The following ERN1 variants were observed in gnomAD, a reference collection of about 807,000 sequenced individuals.
ERN1 encodes serine/threonine-protein kinase/endoribonuclease IRE1.
Under a neutral mutation model 113.1 loss-of-function variants are expected in ERN1, and 39 were observed. The observed-to-expected ratio is 0.34, with a 90% CI of 0.27 to 0.45. The LOEUF (loss-of-function observed/expected upper bound fraction) is 0.45. ERN1 is among the 20% of genes least tolerant of loss of function. ERN1 has a pLI of 1.00. For missense variants in ERN1, 976 were observed against 1,274.8 expected, an observed-to-expected ratio of 0.77 and a Z score of 3.57; for synonymous variants, 507 against 515.9, an observed-to-expected ratio of 0.98 and a Z score of 0.23.
chr17:64,107,079 A>G (rs1476150649), intron 1 of ERN1, among the ~76,000 whole-genome samples: 1 of 152,156 alleles, frequency 6.6e-6, no homozygotes, highest in Non-Finnish European at 1.5e-5. Context: ...TTCATCACAT[A>G]GTAGGAGACT....
intron 1 of ERN1, among the ~76,000 whole-genome samples, chr17:64,125,102 C>G (rs1158040953): frequency 6.6e-6 from 1 of 152,206 alleles, no homozygotes; most frequent in African/African-American, 2.4e-5. Context: ...GAATTGTACA[C>G]TTTAAATGGG....
chr17:64,073,582 C>T (rs570405604), intron 5 of ERN1, among the ~76,000 whole-genome samples: 243 of 152,198 alleles, frequency 1.6e-3, no homozygotes, highest in Non-Finnish European at 2.8e-3. Flanking sequence ...ACCTCCGCCT[C>T]CAGGGTTCAA....
At chr17:64,081,771 G>T (rs1913776128) in intron 2 of ERN1, among the ~76,000 whole-genome samples, 1 of 152,168 alleles carries the variant, frequency 6.6e-6, no homozygotes. Flanking sequence ...TACATTTGCA[G>T]CAATTAATGG....
intron 2 of ERN1, among the ~76,000 whole-genome samples, chr17:64,083,961 C>T (rs753651906): frequency 1.6e-4 from 25 of 152,206 alleles, no homozygotes; most frequent in Non-Finnish European, 2.5e-4. Context: ...TTTGTCCCCA[C>T]TCCCTCCTCC....
chr17:64,075,180 T>C lies in ERN1; in HGVS notation c.350A>G (p.Tyr117Cys). 1 of 1,542,224 alleles carries C rather than the reference T, an allele frequency of 6.5e-7. No homozygotes were observed. Among genetic ancestry groups the C allele is most frequent in the Non-Finnish European group, 8.8e-7 (1 of 1,142,582 alleles). ...SPCRSSDGIL[Y>C]MGKKQDIWYV... ...CTGGAGACAGGAACTCTTACCCATG[T>C]AGAGGATTCCATCTGAACTTCGGCA... is the stretch of plus-strand genomic sequence containing the variant. Residue 117 changes from tyrosine (Y) to cysteine (C), a missense_variant, in exon 5 of 22, where the codon TAC (tyrosine) becomes TGC (cysteine). This residue lies in a region of ERN1 where 459 missense variants were observed against 581.2 expected (regional missense o/e 0.79). Coordinates refer to ENST00000433197, the MANE Select transcript of ERN1 (RefSeq NM_001433.5).
At chr17:64,120,721 A>T (rs1272810167) in intron 1 of ERN1, among the ~76,000 whole-genome samples, 1 of 152,182 alleles carries the variant, frequency 6.6e-6, no homozygotes, top group Non-Finnish European at 1.5e-5. Context: ...GCCCACCAAA[A>T]GAACACTACA....
At chr17:64,124,910 G>A (rs1405900767) in intron 1 of ERN1, among the ~76,000 whole-genome samples, 1 of 152,190 alleles carries the variant, frequency 6.6e-6, no homozygotes, top group African/African-American at 2.4e-5. Context: ...TTATATAAGA[G>A]GTCCAGAATA....
chr17:64,099,939 G>A (rs1361748752), intron 1 of ERN1, among the ~76,000 whole-genome samples: 1 of 152,118 alleles, frequency 6.6e-6, no homozygotes, highest in Non-Finnish European at 1.5e-5. Context: ...CACCTACCGA[G>A]TCTACTCTGT....
rs1912331871 is a variant in ERN1, at chr17:64,041,353, G to A, written c.*2635C>T. ...TCTAAAAAGCTCAACAGCCTTCCAG[G>A]ATTGGAGAAGTCCCATAACCTGAAC... On this transcript the variant is annotated 3_prime_UTR_variant, in exon 22 of 22. Coordinates refer to ENST00000433197, the MANE Select transcript of ERN1 (RefSeq NM_001433.5). 6.6e-6 allele frequency: 1 copy of A among 152,208 alleles called. No individual in the cohort carries two copies. The highest frequency in any genetic ancestry group is 1.5e-5 in the Non-Finnish European group (1 of 68,046). The allele number at this position is 152,208 out of a possible 1,614,324, so 9.4% of individuals were successfully genotyped here.
At position 64,049,390 on chromosome 17, in the gene ERN1, C is replaced by T. The variant is rs1912613118; in HGVS notation, c.2254-188G>A. On this transcript the variant is annotated intron_variant, in intron 17 of 21. Transcript: ENST00000433197. This position sits in a 1 kb window ranked among gnomAD's most constrained non-coding sequence, Gnocchi z 4.7. The stretch of plus-strand genomic sequence containing the variant: ...AGCACTGCATGGGTGTCAGAGGTCC[C>T]AGTGGAGAACCTGGGCTTGGAGCCA... 6.6e-6 allele frequency among the ~76,000 whole-genome samples: 1 copy of T among 152,218 alleles called. No homozygotes were observed.
intron 6 of ERN1, 106 bp from the exon 7 acceptor site, chr17:64,068,397 G>A: frequency 1.3e-6 from 1 of 789,130 alleles, no homozygotes; most frequent in East Asian, 2.7e-5. Context: ...TAAACTGTAG[G>A]CCAAAAAGTC....
intron 7 of ERN1, 78 bp downstream of exon 7, chr17:64,068,112 C>T: frequency 1.0e-6 from 1 of 986,020 alleles, no homozygotes; most frequent in Non-Finnish European, 1.5e-6. Flanking sequence ...AAAGAAAATC[C>T]TACTTTCTGG....
intron 1 of ERN1, among the ~76,000 whole-genome samples, chr17:64,119,384 T>TG (rs1914895491): frequency 1.6e-5 from 2 of 122,692 alleles, no homozygotes; most frequent in East Asian, 2.1e-4. Flanking sequence ...AGGTTTTTTT[T>TG]TTTTTTTTTT....
chr17:64,124,623 G>A (rs994178772), intron 1 of ERN1, among the ~76,000 whole-genome samples: 5 of 152,132 alleles, frequency 3.3e-5, no homozygotes, highest in Non-Finnish European at 7.3e-5. Context: ...CTTTTTTCAT[G>A]ATTGTGAGGC....
In ERN1 at chr17:64,054,629, T is replaced by G; in HGVS notation, c.1763+109A>C. 5 of 1,014,636 alleles carry G rather than the reference T, an allele frequency of 4.9e-6. No homozygotes were observed. The highest frequency in any genetic ancestry group is 7.3e-6 in the Non-Finnish European group (5 of 688,068). 62.9% of individuals were successfully genotyped at this position (1,014,636 alleles called of 1,614,324 possible). A position where few individuals can be genotyped will look rare whatever the true frequency, so the allele number is the denominator to read the frequency against. On this transcript the variant is annotated intron_variant, in intron 14 of 21. Transcript: ENST00000433197. The surrounding 1 kb of genome is among the most constrained non-coding windows in gnomAD (Gnocchi z 4.9). Reference sequence around the variant, plus strand: ...CCCTGGAGGCCGGACTCCATGCGTCTAGGTCACTGCTTTGACCCTGCTGTG... The same window carrying G: ...CCCTGGAGGCCGGACTCCATGCGTCGAGGTCACTGCTTTGACCCTGCTGTG...
At chr17:64,097,035 T>G (rs1488434031) in intron 2 of ERN1, among the ~76,000 whole-genome samples, 1 of 152,178 alleles carries the variant, frequency 6.6e-6, no homozygotes, top group African/African-American at 2.4e-5. Flanking sequence ...TTAAAAACAT[T>G]AAAAGGCTTA....
Position 64,079,579 on chromosome 17 carries a change from A to G in ERN1, c.282+83T>C, listed in dbSNP as rs549473000. 65 of 1,100,136 alleles carry G rather than the reference A, an allele frequency of 5.9e-5. No individual in the cohort carries two copies. In the South Asian group the frequency reaches 8.5e-4, roughly 14 times the overall value. The allele number at this position is 1,100,136 out of a possible 1,614,324, so 68.1% of individuals were successfully genotyped here. ...TGTTTTTAAAAGCTCCAGGTGGGAGACACAGTAAGACACTGTGCAGACACA... is the reference window on the plus strand; with the variant it reads ...TGTTTTTAAAAGCTCCAGGTGGGAGGCACAGTAAGACACTGTGCAGACACA... On this transcript the variant is annotated intron_variant, in intron 4 of 21. Coordinates refer to ENST00000433197, the MANE Select transcript of ERN1 (RefSeq NM_001433.5).
intron 10 of ERN1, among the ~76,000 whole-genome samples, chr17:64,061,054 T>G (rs1274856081): frequency 6.6e-6 from 1 of 152,198 alleles, no homozygotes; most frequent in African/African-American, 2.4e-5. Flanking sequence ...AAATGTGAGC[T>G]TCCATCGGGG....
chr17:64,118,069 C>G (rs889558651), intron 1 of ERN1, among the ~76,000 whole-genome samples: 2 of 152,204 alleles, frequency 1.3e-5, no homozygotes, highest in African/African-American at 4.8e-5. Context: ...GCCCTCCCAT[C>G]TTCTACCTCC....
Sources: gnomAD v4.1 joint callset for allele counts (sites outside exome capture counted in the v4.1 genomes callset) on GRCh38, gnomAD v4.1.1 for gene constraint, gnomAD v4.1.1 regional missense constraint, Gnocchi (gnomAD v3.1) non-coding constraint, MANE v1.5 for transcripts, NCBI Gene and HGNC (gene_info 2026-07-23, HGNC 2026-07-21) for gene names.